The following VWC2L variants were observed in gnomAD, a reference collection of about 807,000 sequenced individuals.
VWC2L encodes the protein von Willebrand factor C domain-containing protein 2-like.
Under a neutral mutation model 21.6 loss-of-function variants are expected in VWC2L, and 10 were observed. The ratio of observed to expected loss-of-function variants is 0.46; its 90% confidence interval spans 0.29 to 0.78. The LOEUF is 0.78. Among genes scored for constraint, VWC2L ranks in the 30% least tolerant of loss-of-function variants. VWC2L has a pLI of 0.10. For synonymous variants in VWC2L, 96 were observed against 94.3 expected (o/e 1.02, Z -0.10); for missense variants, 209 against 277.1 (o/e 0.75, Z 1.74).
At chr2:214,510,379 T>C (rs925825582) in intron 3 of VWC2L, among the ~76,000 whole-genome samples, 2 of 152,260 alleles carry the variant, frequency 1.3e-5, no homozygotes, top group African/African-American at 4.8e-5. Context: ...CCCCTCTATT[T>C]GGAGCCGCTT....
At chr2:214,417,398 C>T (rs765942271) in intron 2 of VWC2L, among the ~76,000 whole-genome samples, 1 of 152,188 alleles carries the variant, frequency 6.6e-6, no homozygotes, top group Non-Finnish European at 1.5e-5. Flanking sequence ...CCCAATATAA[C>T]TCCCAAGAGA....
chr2:214,462,483 T>C (rs1559298035), intron 3 of VWC2L, among the ~76,000 whole-genome samples: 1 of 152,262 alleles, frequency 6.6e-6, no homozygotes, highest in Non-Finnish European at 1.5e-5. Context: ...TATCTTGCAG[T>C]ATCGGTTCTT....
chr2:214,455,409 A>AT (rs371542812), intron 3 of VWC2L, among the ~76,000 whole-genome samples: 1 of 152,012 alleles, frequency 6.6e-6, no homozygotes, highest in Non-Finnish European at 1.5e-5. Context: ...CAGCTTTCTC[A>AT]TTTTTTAACC....
At chr2:214,567,973 C>T (rs1690094795) in intron 3 of VWC2L, among the ~76,000 whole-genome samples, 1 of 152,112 alleles carries the variant, frequency 6.6e-6, no homozygotes, top group Admixed American at 6.6e-5. Context: ...CAAGAGAAAA[C>T]TGGGGAGTCA....
At chr2:214,437,535 T>C (rs756998995) in intron 3 of VWC2L, among the ~76,000 whole-genome samples, 5 of 152,116 alleles carry the variant, frequency 3.3e-5, no homozygotes, top group Non-Finnish European at 5.9e-5. Flanking sequence ...GAAAAAATAA[T>C]TCTTTACTAG....
chr2:214,504,548 A>G (rs1342917924), intron 3 of VWC2L, among the ~76,000 whole-genome samples: 1 of 152,234 alleles, frequency 6.6e-6, no homozygotes, highest in Non-Finnish European at 1.5e-5. Flanking sequence ...TTCTTTAATT[A>G]AGATGAACTG....
chr2:214,512,879 A>T (rs1256476660), intron 3 of VWC2L, among the ~76,000 whole-genome samples: 1 of 152,138 alleles, frequency 6.6e-6, no homozygotes, highest in Non-Finnish European at 1.5e-5. Context: ...ACAGTATCTA[A>T]GTAAAATACG....
At chr2:214,418,353 A>T (rs1249614405) in intron 2 of VWC2L, among the ~76,000 whole-genome samples, 1 of 152,192 alleles carries the variant, frequency 6.6e-6, no homozygotes, top group Admixed American at 6.5e-5. Flanking sequence ...GAAGCAGCAG[A>T]GTGTAAGTAA....
intron 3 of VWC2L, among the ~76,000 whole-genome samples, chr2:214,537,697 C>T (rs752727460): frequency 2.2e-4 from 33 of 152,072 alleles, no homozygotes; most frequent in Middle Eastern, 6.8e-3. Flanking sequence ...TAACATTATG[C>T]GTACCACATA....
At chr2:214,419,329 T>G (rs1325107616) in intron 2 of VWC2L, among the ~76,000 whole-genome samples, 3 of 152,218 alleles carry the variant, frequency 2.0e-5, no homozygotes, top group African/African-American at 2.4e-5. Flanking sequence ...AATAGCAGTT[T>G]CTACCAGAAA....
Position 214,455,875 on chromosome 2 carries a change from CA to C in VWC2L, c.520+19118del, listed in dbSNP as rs751050826. Among the ~76,000 whole-genome samples, 9 of 152,022 alleles carry C rather than the reference CA, an allele frequency of 5.9e-5. No individual in the cohort carries two copies. The South Asian group carries it at 1.0e-3, about 17-fold the overall frequency. On this transcript the variant is annotated intron_variant, in intron 3 of 3. Transcript: ENST00000312504. ...TCCAGGTGGCTGAAAAAAACTATGT[CA>C]TTTTTTTTATATCTGAATAGTATTT...
At chr2:214,458,602 C>T (rs1042039993) in intron 3 of VWC2L, among the ~76,000 whole-genome samples, 2 of 152,006 alleles carry the variant, frequency 1.3e-5, no homozygotes, top group African/African-American at 4.8e-5. Context: ...AGCTTTTGCT[C>T]TATTACCATG....
chr2:214,463,060 G>A (rs1009540185), intron 3 of VWC2L, among the ~76,000 whole-genome samples: 6 of 151,954 alleles, frequency 3.9e-5, no homozygotes, highest in African/African-American at 1.5e-4. Context: ...CTTGGTGAAC[G>A]TTTCACATCC....
chr2:214,529,372 C>G (rs951753432), intron 3 of VWC2L, among the ~76,000 whole-genome samples: 1 of 152,168 alleles, frequency 6.6e-6, no homozygotes. Context: ...GCCAGCGTGA[C>G]AGGTTCAGTA....
At position 214,468,025 on chromosome 2, in the gene VWC2L, C is replaced by CT. The variant is rs945624825; in HGVS notation, c.520+31277dup. The stretch of plus-strand genomic sequence containing the variant: ...AATAATATATTATGAGGTTTTACGT[C>CT]TTTTTTTTTTGAGACAGAGTCTCAC... On this transcript the variant is annotated intron_variant, in intron 3 of 3. Coordinates refer to ENST00000312504, the MANE Select transcript of VWC2L (RefSeq NM_001080500.4). Among the ~76,000 whole-genome samples, 367 of 148,258 alleles carry CT rather than the reference C, an allele frequency of 2.5e-3. 3 individuals are homozygous for CT. Among genetic ancestry groups the CT allele is most frequent in the African/African-American group, 3.7e-3 (150 of 40,600 alleles).
chr2:214,578,962 G>C lies in VWC2L; in HGVS notation c.*3142G>C, dbSNP rs916307805. 1 of 151,916 alleles carries C rather than the reference G, an allele frequency of 6.6e-6. No homozygotes were observed. The highest frequency in any genetic ancestry group is 1.9e-4 in the East Asian group (1 of 5,180). The allele number at this position is 151,916 out of a possible 1,614,324, so 9.4% of individuals were successfully genotyped here. On this transcript the variant is annotated 3_prime_UTR_variant, in exon 4 of 4. Coordinates refer to ENST00000312504, the MANE Select transcript of VWC2L (RefSeq NM_001080500.4). ...AAAATTATTTTGTTAAATATAAAGT[G>C]TGTTAACCAGCAAACATTGTTTGTG...
chr2:214,417,185 T>C (rs1327500853), intron 2 of VWC2L, among the ~76,000 whole-genome samples: 1 of 152,180 alleles, frequency 6.6e-6, no homozygotes, highest in African/African-American at 2.4e-5. Flanking sequence ...TTAGGGAGGT[T>C]GTATTATGAG....
intron 3 of VWC2L, among the ~76,000 whole-genome samples, chr2:214,474,285 G>A (rs1688466433): frequency 6.6e-6 from 1 of 152,144 alleles, no homozygotes; most frequent in African/African-American, 2.4e-5. Flanking sequence ...GAGGCAGCAT[G>A]GCATAATAGG....
At chr2:214,443,612 C>T (rs1340940802) in intron 3 of VWC2L, among the ~76,000 whole-genome samples, 1 of 152,004 alleles carries the variant, frequency 6.6e-6, no homozygotes, top group Non-Finnish European at 1.5e-5. Flanking sequence ...TGACATTGTA[C>T]ATGAAAAAGC....
Sources: gnomAD v4.1 joint callset for allele counts (sites outside exome capture counted in the v4.1 genomes callset) on GRCh38, gnomAD v4.1.1 for gene constraint, MANE v1.5 for transcripts, NCBI Gene and HGNC (gene_info 2026-07-23, HGNC 2026-07-21) for gene names.